The following TRPM1 variants were observed in gnomAD, a reference collection of about 807,000 sequenced individuals.
TRPM1 encodes transient receptor potential cation channel subfamily M member 1.
In TRPM1, 113 loss-of-function variants were observed where a neutral mutation model predicts 149.4. That is an observed-to-expected ratio of 0.76 (90% CI 0.65 to 0.88). The LOEUF is 0.88. Among genes scored for constraint, TRPM1 ranks in the 40% least tolerant of loss-of-function variants. The pLI is 0.00. For missense variants in TRPM1, 1,976 were observed against 2,038.7 expected (o/e 0.97, Z 0.59); for synonymous variants, 741 against 759.5 (o/e 0.98, Z 0.40).
chr15:31,081,624 A>C (rs2034861272), intron 1 of TRPM1, among the ~76,000 whole-genome samples, 186 bp from the exon 2 acceptor site: 5 of 147,888 alleles, frequency 3.4e-5, no homozygotes, highest in East Asian at 2.0e-4. Context: ...CTTCTCCCCC[A>C]CCTCCTGCCT....
chr15:31,089,291 G>C (rs2140997439), intron 1 of TRPM1, among the ~76,000 whole-genome samples: 1 of 144,200 alleles, frequency 6.9e-6, no homozygotes, highest in East Asian at 1.9e-4. Context: ...ACATTGCCCG[G>C]GAGGGTTTAT....
Position 31,088,428 on chromosome 15 carries a change from T to C in TRPM1, c.-83-6990A>G, listed in dbSNP as rs1033650428. Among the ~76,000 whole-genome samples, 3 of 152,202 alleles carry C rather than the reference T, an allele frequency of 2.0e-5. No individual in the cohort carries two copies. The East Asian group carries it at 5.8e-4, about 29-fold the overall frequency. On this transcript the variant is annotated intron_variant, in intron 1 of 27. Coordinates refer to ENST00000256552, the MANE Select transcript of TRPM1 (RefSeq NM_001252024.2). ...AAAGTGTCTGGGTTGGCACCACCTT[T>C]AAGAGCTGTAACACTGACTGTACGG...
intron 17 of TRPM1, among the ~76,000 whole-genome samples, chr15:31,041,043 G>A (rs1275303678): frequency 3.9e-5 from 6 of 152,166 alleles, no homozygotes; most frequent in African/African-American, 1.4e-4. Context: ...GATAGAAGTT[G>A]GGGGGCATGG....
At chr15:31,116,599 TCTG>T (rs2035800042) in intron 1 of TRPM1, among the ~76,000 whole-genome samples, 1 of 74,572 alleles carries the variant, frequency 1.3e-5, no homozygotes, top group Non-Finnish European at 2.9e-5. Flanking sequence ...CAAAACTCCA[TCTG>T]AAATAAATAA....
rs1477988286 is a variant in TRPM1 at position 31,040,049 on chromosome 15, T to G, written c.2316+69A>C. ...AAATGAAATAAGCCACAGAAAGTGC[T>G]CAGTTCAGCCTGGCAGAGAGTCACT... On this transcript the variant is annotated intron_variant, in intron 18 of 27. Transcript: ENST00000256552. This position sits in a 1 kb window ranked among gnomAD's most constrained non-coding sequence, Gnocchi z 4.2. 1 of 1,391,394 alleles carries G rather than the reference T, an allele frequency of 7.2e-7. No individual in the cohort carries two copies. Among genetic ancestry groups the G allele is most frequent in the Non-Finnish European group, 1.0e-6 (1 of 979,322 alleles). The allele number at this position is 1,391,394 out of a possible 1,614,324, so 86.2% of individuals were successfully genotyped here.
chr15:31,138,192 G>C (rs1338437958), intron 1 of TRPM1, among the ~76,000 whole-genome samples: 4 of 152,084 alleles, frequency 2.6e-5, no homozygotes, highest in African/African-American at 4.8e-5. Flanking sequence ...TGTTGTCATT[G>C]GTGCAAACAA....
At chr15:31,100,945 A>C (rs978673228) in intron 1 of TRPM1, among the ~76,000 whole-genome samples, 1 of 152,136 alleles carries the variant, frequency 6.6e-6, no homozygotes, top group Non-Finnish European at 1.5e-5. Context: ...GTGGACTTGC[A>C]GGGCTTTGCT....
At position 31,068,057 on chromosome 15, in the gene TRPM1, T is replaced by TGA. The variant is rs2034431879; in HGVS notation, c.313_314dup (p.Leu106HisfsTer7). 6.2e-7 allele frequency: 1 copy of TGA among 1,614,058 alleles called. No homozygotes were observed. On this transcript the variant is annotated frameshift_variant, in exon 5 of 28. Coordinates refer to ENST00000256552, the MANE Select transcript of TRPM1 (RefSeq NM_001252024.2). LOFTEE classifies it high-confidence loss of function. ...AATCTTTCACCATGAGATGGAGCAG[T>TGA]GAGTCTGGCTTGGTGTCATAGGATA...
At chr15:31,026,833 G>T in intron 26 of TRPM1, 82 bp downstream of exon 26, 1 of 1,435,894 alleles carries the variant, frequency 7.0e-7, no homozygotes, top group South Asian at 1.1e-5. Context: ...GCAAGTAGTT[G>T]AGTGAGATTT....
chr15:31,109,823 A>G (rs1205743941), intron 1 of TRPM1, among the ~76,000 whole-genome samples: 9 of 152,114 alleles, frequency 5.9e-5, no homozygotes, highest in Non-Finnish European at 1.3e-4. Context: ...ACAGTAGGGC[A>G]TCAGGGAAAC....
At chr15:31,113,320 C>G (rs531976948) in intron 1 of TRPM1, among the ~76,000 whole-genome samples, 1 of 152,182 alleles carries the variant, frequency 6.6e-6, no homozygotes, top group African/African-American at 2.4e-5. Flanking sequence ...TGCCTCTGAG[C>G]CCCTGACTGG....
intron 1 of TRPM1, among the ~76,000 whole-genome samples, chr15:31,148,466 A>G (rs1459471227): frequency 6.6e-6 from 1 of 152,224 alleles, no homozygotes; most frequent in Non-Finnish European, 1.5e-5. Context: ...AACTGTCAAC[A>G]TTATGCACTA....
At chr15:31,098,621 C>T (rs971719585) in intron 1 of TRPM1, among the ~76,000 whole-genome samples, 2 of 152,054 alleles carry the variant, frequency 1.3e-5, no homozygotes, top group Non-Finnish European at 2.9e-5. Flanking sequence ...CCATGATTCC[C>T]GAGGAGCAAG....
Position 31,067,164 on chromosome 15 carries a change from C to T in TRPM1, c.517G>A (p.Ala173Thr). ...STGVISHVGDALKDHSSKSRG... is the reference protein window; with the variant it reads ...STGVISHVGDTLKDHSSKSRG... ...GACTTGGAGGAGTGGTCTTTCAAGG[C>T]ATCCCCTACGTGGCTGATAACACCT... is the stretch of plus-strand genomic sequence containing the variant. The change falls in exon 6 of 28, where the codon GCC (alanine) becomes ACC (threonine). Residue 173 changes from alanine to threonine, a missense_variant. Transcript: ENST00000256552. The T allele has an allele frequency of 6.2e-7, 1 of 1,614,196 alleles. No homozygotes were observed. The highest frequency in any genetic ancestry group is 8.5e-7 in the Non-Finnish European group (1 of 1,180,024).
intron 4 of TRPM1, chr15:31,069,505 G>A (rs183168338): frequency 2.0e-4 from 221 of 1,101,240 alleles, no homozygotes; most frequent in African/African-American, 2.0e-3. Context: ...GAGCTGGAAC[G>A]GATCACAGAG....
Position 31,040,219 on chromosome 15 carries a change from C to T in TRPM1, c.2215G>A (p.Ala739Thr). The change falls in exon 18 of 28, where the codon GCA (alanine) becomes ACA (threonine). Residue 739 changes from alanine (A) to threonine (T), a missense_variant. Around this residue, in one of 3 missense-constraint regions of TRPM1, gnomAD observed 1,332 missense variants for 1,347.1 expected, o/e 0.99. Transcript: ENST00000256552. The surrounding 1 kb of genome is among the most constrained non-coding windows in gnomAD (Gnocchi z 4.2). ...SNSTCLKLAV[A>T]AKHRDFIAHT... is the part of the protein sequence containing the mutation. The stretch of plus-strand genomic sequence containing the variant: ...GCAATGAAGTCCCGGTGTTTGGCTG[C>T]CACGGCCAGTTTGAGGCAGGTCGAG... The T allele has an allele frequency of 6.2e-7, 1 of 1,614,208 alleles. No homozygotes were observed. Among genetic ancestry groups the T allele is most frequent in the Non-Finnish European group, 8.5e-7 (1 of 1,180,038 alleles).
chr15:31,064,693 GA>G lies in TRPM1; in HGVS notation c.790+1382del, dbSNP rs2034321810. On this transcript the variant is annotated intron_variant, in intron 7 of 27. Transcript: ENST00000256552. ...CAGCATTGGTTAAGAGAAGATTGGAGAATTTCAAATGAGCCATTTCAGAGTT... is the reference window on the plus strand; with the variant it reads ...CAGCATTGGTTAAGAGAAGATTGGAGATTTCAAATGAGCCATTTCAGAGTT... 2.0e-5 allele frequency among the ~76,000 whole-genome samples: 3 copies of G among 152,168 alleles called. No individual in the cohort carries two copies. In the South Asian group the frequency reaches 6.2e-4, roughly 32 times the overall value.
At chr15:31,111,209 C>G (rs1488021611) in intron 1 of TRPM1, among the ~76,000 whole-genome samples, 3 of 152,170 alleles carry the variant, frequency 2.0e-5, no homozygotes, top group African/African-American at 4.8e-5. Flanking sequence ...AGAGCATTAT[C>G]TGAGCTGGCT....
intron 18 of TRPM1, among the ~76,000 whole-genome samples, chr15:31,038,947 G>A (rs1201527856): frequency 2.0e-5 from 3 of 151,312 alleles, no homozygotes; most frequent in African/African-American, 4.9e-5. Flanking sequence ...GACAACAAAA[G>A]GATGCCCGGA....
Sources: gnomAD v4.1 joint callset for allele counts (sites outside exome capture counted in the v4.1 genomes callset) on GRCh38, gnomAD v4.1.1 for gene constraint, gnomAD v4.1.1 regional missense constraint, Gnocchi (gnomAD v3.1) non-coding constraint, MANE v1.5 for transcripts, NCBI Gene and HGNC (gene_info 2026-07-23, HGNC 2026-07-21) for gene names.